The following RNF187 variants were observed in gnomAD, a reference collection of about 807,000 sequenced individuals.
RNF187 encodes the protein ring finger protein 187.
A neutral mutation model predicts 22.2 loss-of-function variants in RNF187; 18 were observed. The observed-to-expected ratio is 0.81, with a 90% confidence interval of 0.56 to 1.20. The LOEUF is 1.20. RNF187 is among the 50% of genes most tolerant of loss of function. RNF187 has a pLI of 0.00. For missense variants in RNF187, 329 were observed against 317.6 expected, an observed-to-expected ratio of 1.04 and a Z score of -0.27; for synonymous variants, 164 against 140.9, an observed-to-expected ratio of 1.16 and a Z score of -1.16.
chr1:228,495,717 A>G lies in RNF187; in HGVS notation c.*1832A>G. 244 of 985,472 alleles carry G rather than the reference A, an allele frequency of 2.5e-4. No individual in the cohort carries two copies. The highest frequency in any genetic ancestry group is 2.7e-4 in the Non-Finnish European group (225 of 829,940). The allele number at this position is 985,472 out of a possible 1,614,324, so 61.0% of individuals were successfully genotyped here. On this transcript the variant is annotated 3_prime_UTR_variant, in exon 4 of 4. Transcript: ENST00000305943. The stretch of plus-strand genomic sequence containing the variant: ...TGACCAGCAACATCCCACCCTGTCA[A>G]TCACAACCTCTTTCTATTTAAGAAA...
At position 228,493,933 on chromosome 1, in the gene RNF187, C is replaced by T; in HGVS notation, c.*48C>T. ...CAGAGCTGGAGGCAGGAGGATGGAT[C>T]CTCATCTCCATGGGAAGTGTCAGCG... On this transcript the variant is annotated 3_prime_UTR_variant, in exon 4 of 4. Coordinates refer to ENST00000305943, the MANE Select transcript of RNF187 (RefSeq NM_001010858.3). The surrounding 1 kb of genome is among the most constrained non-coding windows in gnomAD (Gnocchi z 4.7). The T allele has an allele frequency of 1.9e-6, 3 of 1,551,718 alleles. No individual in the cohort carries two copies. Among genetic ancestry groups the T allele is most frequent in the Non-Finnish European group, 2.6e-6 (3 of 1,146,994 alleles).
chr1:228,495,437 G>A lies in RNF187; in HGVS notation c.*1552G>A. The A allele has an allele frequency of 2.0e-6, 2 of 978,142 alleles. No individual in the cohort carries two copies. The highest frequency in any genetic ancestry group is 2.4e-6 in the Non-Finnish European group (2 of 823,406). 60.6% of individuals were successfully genotyped at this position (978,142 alleles called of 1,614,324 possible). ...AAGAGGGCCCTAGGAGAAGATTCCA[G>A]AGCCTGGCCAGAGTTTGGCCAAGTA... On this transcript the variant is annotated 3_prime_UTR_variant, in exon 4 of 4. Transcript: ENST00000305943.
intron 2 of RNF187, among the ~76,000 whole-genome samples, chr1:228,491,097 AACT>A: frequency 2.6e-5 from 4 of 152,042 alleles, no homozygotes; most frequent in Non-Finnish European, 5.9e-5. Context: ...ACATAAGCTA[AACT>A]AACAGGGTCA....
At position 228,494,918 on chromosome 1, in the gene RNF187, A is replaced by G; in HGVS notation, c.*1033A>G. 1.0e-6 allele frequency: 1 copy of G among 985,308 alleles called. No individual in the cohort carries two copies. The highest frequency in any genetic ancestry group is 1.2e-6 in the Non-Finnish European group (1 of 829,942). 61.0% of individuals were successfully genotyped at this position (985,308 alleles called of 1,614,324 possible). On this transcript the variant is annotated 3_prime_UTR_variant, in exon 4 of 4. Coordinates refer to ENST00000305943, the MANE Select transcript of RNF187 (RefSeq NM_001010858.3). ...CCTTGGTGCGATGTCTGTGAGTTTGACCTGCCCAGCGTGTGGGCTGGCTCA... is the reference window on the plus strand; with the variant it reads ...CCTTGGTGCGATGTCTGTGAGTTTGGCCTGCCCAGCGTGTGGGCTGGCTCA...
At position 228,487,439 on chromosome 1, in the gene RNF187, G is replaced by C. The variant is rs1571797127; in HGVS notation, c.-50G>C. ...CCGGTCGCCGGCCGTCTAGGTCTCC[G>C]GCCCTCCCCAGCCGCTCCTGCGCCC... On this transcript the variant is annotated 5_prime_UTR_variant, in exon 1 of 4. Transcript: ENST00000305943. 9.2e-7 allele frequency: 1 copy of C among 1,092,630 alleles called. No individual in the cohort carries two copies. The highest frequency in any genetic ancestry group is 4.4e-5 in the South Asian group (1 of 22,948). 67.7% of individuals were successfully genotyped at this position (1,092,630 alleles called of 1,614,324 possible).
chr1:228,493,906 C>T lies in RNF187; in HGVS notation c.*21C>T. On this transcript the variant is annotated 3_prime_UTR_variant, in exon 4 of 4. Coordinates refer to ENST00000305943, the MANE Select transcript of RNF187 (RefSeq NM_001010858.3). This position sits in a 1 kb window ranked among gnomAD's most constrained non-coding sequence, Gnocchi z 4.7. ...AGTGATGGCGCCAACCCGTGGCAGT[C>T]CCAGAGCTGGAGGCAGGAGGATGGA... The T allele has an allele frequency of 6.4e-7, 1 of 1,551,774 alleles. No homozygotes were observed. Among genetic ancestry groups the T allele is most frequent in the South Asian group, 1.2e-5 (1 of 84,056 alleles).
Position 228,493,525 on chromosome 1 carries a change from C to T in RNF187, c.705+251C>T. ...GGAGGGCACTTGGCATCCCGAGTGC[C>T]CGAGCATGGAAGGCTCCTGCCTCGC... is the stretch of plus-strand genomic sequence containing the variant. On this transcript the variant is annotated intron_variant, in intron 3 of 3. Coordinates refer to ENST00000305943, the MANE Select transcript of RNF187 (RefSeq NM_001010858.3). The surrounding 1 kb of genome is among the most constrained non-coding windows in gnomAD (Gnocchi z 4.7). Among the ~76,000 whole-genome samples, 3 of 152,228 alleles carry T rather than the reference C, an allele frequency of 2.0e-5. No homozygotes were observed. The highest frequency in any genetic ancestry group is 2.9e-5 in the Non-Finnish European group (2 of 68,038).
At position 228,494,924 on chromosome 1, in the gene RNF187, C is replaced by T; in HGVS notation, c.*1039C>T. 1 of 985,444 alleles carries T rather than the reference C, an allele frequency of 1.0e-6. No individual in the cohort carries two copies. The highest frequency in any genetic ancestry group is 4.7e-5 in the South Asian group (1 of 21,270). The allele number at this position is 985,444 out of a possible 1,614,324, so 61.0% of individuals were successfully genotyped here. A position where few individuals can be genotyped will look rare whatever the true frequency, so the allele number is the denominator to read the frequency against. ...TGCGATGTCTGTGAGTTTGACCTGC[C>T]CAGCGTGTGGGCTGGCTCAATGCTG... On this transcript the variant is annotated 3_prime_UTR_variant, in exon 4 of 4. Coordinates refer to ENST00000305943, the MANE Select transcript of RNF187 (RefSeq NM_001010858.3).
Position 228,487,648 on chromosome 1 carries a change from G to A in RNF187, c.160G>A (p.Asp54Asn). 2 of 1,172,384 alleles carry A rather than the reference G, an allele frequency of 1.7e-6. No individual in the cohort carries two copies. The highest frequency in any genetic ancestry group is 2.6e-5 in the South Asian group (1 of 39,078). The allele number at this position is 1,172,384 out of a possible 1,614,324, so 72.6% of individuals were successfully genotyped here. ...GCCCTTCCCGTGCCCCGAGTGCGCCGACGACTGCTGGCAGCGCGCCGTGGA... is the reference window on the plus strand; with the variant it reads ...GCCCTTCCCGTGCCCCGAGTGCGCCAACGACTGCTGGCAGCGCGCCGTGGA... The change falls in exon 1 of 4, where the codon GAC (aspartate) becomes AAC (asparagine). Residue 54 changes from aspartate to asparagine, a missense_variant. Asp to Asn is a conservative substitution (Grantham distance 23). Transcript: ENST00000305943.
chr1:228,494,280 G>C lies in RNF187; in HGVS notation c.*395G>C. On this transcript the variant is annotated 3_prime_UTR_variant, in exon 4 of 4. Coordinates refer to ENST00000305943, the MANE Select transcript of RNF187 (RefSeq NM_001010858.3). Reference sequence around the variant, plus strand: ...CACAGATCCTTGGCAGGTACCTGAGGTGCACCATTGAGTGTCGGATTTGGG... The same window carrying C: ...CACAGATCCTTGGCAGGTACCTGAGCTGCACCATTGAGTGTCGGATTTGGG... 3.4e-6 allele frequency: 4 copies of C among 1,162,212 alleles called. No homozygotes were observed. Among genetic ancestry groups the C allele is most frequent in the Non-Finnish European group, 4.3e-6 (4 of 933,810 alleles). The allele number at this position is 1,162,212 out of a possible 1,614,324, so 72.0% of individuals were successfully genotyped here. A position where few individuals can be genotyped will look rare whatever the true frequency, so the allele number is the denominator to read the frequency against.
At chr1:228,492,686 C>T in intron 2 of RNF187, among the ~76,000 whole-genome samples, 5 of 124,448 alleles carry the variant, frequency 4.0e-5, no homozygotes, top group Non-Finnish European at 7.9e-5. Flanking sequence ...AGTGCAGTAG[C>T]ATGAACTCGG....
Position 228,494,910 on chromosome 1 carries a change from T to A in RNF187, c.*1025T>A. On this transcript the variant is annotated 3_prime_UTR_variant, in exon 4 of 4. Transcript: ENST00000305943. Reference sequence around the variant, plus strand: ...TCCCCGGCCCTTGGTGCGATGTCTGTGAGTTTGACCTGCCCAGCGTGTGGG... The same window carrying A: ...TCCCCGGCCCTTGGTGCGATGTCTGAGAGTTTGACCTGCCCAGCGTGTGGG... 7 of 985,448 alleles carry A rather than the reference T, an allele frequency of 7.1e-6. No individual in the cohort carries two copies. The highest frequency in any genetic ancestry group is 1.7e-5 in the African/African-American group (1 of 57,340). 61.0% of individuals were successfully genotyped at this position (985,448 alleles called of 1,614,324 possible).
At position 228,493,390 on chromosome 1, in the gene RNF187, C is replaced by T; in HGVS notation, c.705+116C>T. 1.2e-5 allele frequency: 18 copies of T among 1,452,404 alleles called. No homozygotes were observed. In the East Asian group the frequency reaches 4.2e-4, roughly 34 times the overall value. 90.0% of individuals were successfully genotyped at this position (1,452,404 alleles called of 1,614,324 possible). ...GCTTAAAAGCCCAGCCTGACTCCCA[C>T]TGCCGTGGCCTTGCAGGGCTGAATT... On this transcript the variant is annotated intron_variant, in intron 3 of 3. Coordinates refer to ENST00000305943, the MANE Select transcript of RNF187 (RefSeq NM_001010858.3). The surrounding 1 kb of genome is among the most constrained non-coding windows in gnomAD (Gnocchi z 4.7).
chr1:228,487,464 C>T lies in RNF187; in HGVS notation c.-25C>T. On this transcript the variant is annotated 5_prime_UTR_variant, in exon 1 of 4. Coordinates refer to ENST00000305943, the MANE Select transcript of RNF187 (RefSeq NM_001010858.3). ...GGCCCTCCCCAGCCGCTCCTGCGCC[C>T]TTGCCGGCCCCGCCGCCCGCAGCCC... 9.0e-7 allele frequency: 1 copy of T among 1,109,488 alleles called. No individual in the cohort carries two copies. Among genetic ancestry groups the T allele is most frequent in the Non-Finnish European group, 1.1e-6 (1 of 912,038 alleles). 68.7% of individuals were successfully genotyped at this position (1,109,488 alleles called of 1,614,324 possible).
At position 228,487,507 on chromosome 1, in the gene RNF187, C is replaced by G. The variant is rs1229674037; in HGVS notation, c.19C>G (p.Pro7Ala). 1 of 1,143,906 alleles carries G rather than the reference C, an allele frequency of 8.7e-7. No homozygotes were observed. Among genetic ancestry groups the G allele is most frequent in the Non-Finnish European group, 1.1e-6 (1 of 934,582 alleles). 70.9% of individuals were successfully genotyped at this position (1,143,906 alleles called of 1,614,324 possible). A position where few individuals can be genotyped will look rare whatever the true frequency, so the allele number is the denominator to read the frequency against. Reference sequence around the variant, plus strand: ...CGCAGCCCTGGCGCTCCCTGCGGGCCCCGCCGAGGCCGCCTGCGCCCTGTG... The same window carrying G: ...CGCAGCCCTGGCGCTCCCTGCGGGCGCCGCCGAGGCCGCCTGCGCCCTGTG... Residue 7 changes from proline (P) to alanine (A), a missense_variant, in exon 1 of 4, where the codon CCC (proline) becomes GCC (alanine). Coordinates refer to ENST00000305943, the MANE Select transcript of RNF187 (RefSeq NM_001010858.3).
Position 228,494,672 on chromosome 1 carries a change from A to G in RNF187, c.*787A>G. Reference sequence around the variant, plus strand: ...TATCTCTAGCTCTTTCCCTCCTCCCATTTCCTTTAGTAGTTGAATTTTGCA... The same window carrying G: ...TATCTCTAGCTCTTTCCCTCCTCCCGTTTCCTTTAGTAGTTGAATTTTGCA... On this transcript the variant is annotated 3_prime_UTR_variant, in exon 4 of 4. Transcript: ENST00000305943. 10 of 985,384 alleles carry G rather than the reference A, an allele frequency of 1.0e-5. No homozygotes were observed. Among genetic ancestry groups the G allele is most frequent in the Admixed American group, 6.1e-5 (1 of 16,266 alleles). 61.0% of individuals were successfully genotyped at this position (985,384 alleles called of 1,614,324 possible). A position where few individuals can be genotyped will look rare whatever the true frequency, so the allele number is the denominator to read the frequency against.
chr1:228,493,115 T>G lies in RNF187; in HGVS notation c.546T>G (p.Phe182Leu), dbSNP rs370746984. ...ACTACAAGAAGCTGCGGGCCTTCTT[T>G]GTGGAGGAGGAGGAGCATTTCCTGC... is the stretch of plus-strand genomic sequence containing the variant. Residue 182 changes from phenylalanine to leucine, a missense_variant, in exon 3 of 4, where the codon TTT becomes TTG. Coordinates refer to ENST00000305943, the MANE Select transcript of RNF187 (RefSeq NM_001010858.3). This position sits in a 1 kb window ranked among gnomAD's most constrained non-coding sequence, Gnocchi z 4.7. The G allele has an allele frequency of 6.4e-7, 1 of 1,551,548 alleles. No individual in the cohort carries two copies.
At chr1:228,492,089 G>T in intron 2 of RNF187, among the ~76,000 whole-genome samples, 1 of 151,092 alleles carries the variant, frequency 6.6e-6, no homozygotes, top group Non-Finnish European at 1.5e-5. Context: ...TTGCTCTGTT[G>T]GCCCAGGCTG....
rs1200864800 is a variant in RNF187 at position 228,493,128 on chromosome 1, G to C, written c.559G>C (p.Glu187Gln). The change falls in exon 3 of 4, where the codon GAG (glutamate) becomes CAG (glutamine). Residue 187 changes from glutamate to glutamine, a missense_variant. Glu to Gln is a conservative substitution (Grantham distance 29). Coordinates refer to ENST00000305943, the MANE Select transcript of RNF187 (RefSeq NM_001010858.3). This position sits in a 1 kb window ranked among gnomAD's most constrained non-coding sequence, Gnocchi z 4.7. ...GCGGGCCTTCTTTGTGGAGGAGGAG[G>C]AGCATTTCCTGCAGGAGGCTGAGAA... 7 of 1,551,616 alleles carry C rather than the reference G, an allele frequency of 4.5e-6. No homozygotes were observed. In the East Asian group the frequency reaches 1.2e-4, roughly 27 times the overall value.
Sources: gnomAD v4.1 joint callset for allele counts (sites outside exome capture counted in the v4.1 genomes callset) on GRCh38, gnomAD v4.1.1 for gene constraint, Gnocchi (gnomAD v3.1) non-coding constraint, MANE v1.5 for transcripts, NCBI Gene and HGNC (gene_info 2026-07-23, HGNC 2026-07-21) for gene names.